Variants in MAGI1 observed in about 807,000 individuals in gnomAD.
MAGI1 encodes membrane-associated guanylate kinase, WW and PDZ domain-containing protein 1.
Under a neutral mutation model 139.9 loss-of-function variants are expected in MAGI1, and 58 were observed. The ratio of observed to expected loss-of-function variants is 0.41; its 90% CI spans 0.34 to 0.52. The LOEUF is 0.52. Ranked by LOEUF, MAGI1 falls within the 20% of genes least tolerant of loss-of-function variation. The probability of loss-of-function intolerance (pLI) is 0.12; values close to 1 mark genes in which losing one functional copy is unlikely to be tolerated. For synonymous variants in MAGI1, 812 were observed against 737.9 expected, an observed-to-expected ratio of 1.10 and a Z score of -1.63; for missense variants, 1,874 against 1,901.6, an observed-to-expected ratio of 0.99 and a Z score of 0.27.
chr3:65,507,062 G>A (rs1423262686), intron 2 of MAGI1, among the ~76,000 whole-genome samples: 5 of 152,090 alleles, frequency 3.3e-5, no homozygotes, highest in African/African-American at 1.2e-4. Flanking sequence ...ATACCACAGA[G>A]TGCAACATAT....
chr3:65,734,493 G>A (rs1005027071), intron 1 of MAGI1, among the ~76,000 whole-genome samples: 1 of 150,186 alleles, frequency 6.7e-6, no homozygotes, highest in South Asian at 2.1e-4. Context: ...GAAAGAAAGA[G>A]AGAAAGAGGA....
chr3:65,536,430 CA>C (rs761058305), intron 2 of MAGI1, among the ~76,000 whole-genome samples: 173 of 152,144 alleles, frequency 1.1e-3, no homozygotes, highest in Non-Finnish European at 2.2e-3. Context: ...GGTATTTGTA[CA>C]AAAAAGATAA....
chr3:65,413,211 C>G (rs963280900), intron 12 of MAGI1, among the ~76,000 whole-genome samples: 21 of 152,182 alleles, frequency 1.4e-4, no homozygotes, highest in Non-Finnish European at 5.9e-5. Flanking sequence ...AATTTTCCAG[C>G]TTGCTCTGGA....
intron 1 of MAGI1, among the ~76,000 whole-genome samples, chr3:65,934,828 C>T (rs538893125): frequency 6.7e-6 from 1 of 150,014 alleles, no homozygotes; most frequent in East Asian, 2.1e-4. Flanking sequence ...ACATTGAAAT[C>T]CTCTTGTGAG....
chr3:65,643,952 C>A (rs1486682197), intron 1 of MAGI1, among the ~76,000 whole-genome samples: 1 of 152,132 alleles, frequency 6.6e-6, no homozygotes, highest in South Asian at 2.1e-4. Context: ...TGGGTGGAAT[C>A]TCTTCTTCTC....
chr3:65,508,647 T>C (rs2077407824), intron 2 of MAGI1, among the ~76,000 whole-genome samples: 1 of 152,196 alleles, frequency 6.6e-6, no homozygotes, highest in Admixed American at 6.5e-5. Flanking sequence ...GCCTTTGTCA[T>C]CTATTCAAAC....
At chr3:65,525,134 C>T (rs907158990) in intron 2 of MAGI1, among the ~76,000 whole-genome samples, 1 of 152,154 alleles carries the variant, frequency 6.6e-6, no homozygotes, top group Non-Finnish European at 1.5e-5. Context: ...TCTCATCTCC[C>T]TATAATGCAC....
intron 1 of MAGI1, among the ~76,000 whole-genome samples, chr3:65,925,847 T>C (rs2062474619): frequency 6.6e-6 from 1 of 152,096 alleles, no homozygotes; most frequent in Non-Finnish European, 1.5e-5. Flanking sequence ...ACTCTGCCAA[T>C]TTTTGTATTT....
intron 2 of MAGI1, chr3:65,619,971 C>T (rs895648343): frequency 5.3e-5 from 52 of 985,264 alleles, no homozygotes; most frequent in Non-Finnish European, 6.1e-5. Context: ...CATGATTTTT[C>T]CACTGTTTTT....
chr3:65,666,545 G>C (rs2086538954), intron 1 of MAGI1, among the ~76,000 whole-genome samples: 1 of 152,126 alleles, frequency 6.6e-6, no homozygotes, highest in Non-Finnish European at 1.5e-5. Flanking sequence ...TATTAGCATA[G>C]TAAAAGCTCT....
chr3:65,501,624 A>T (rs1462489018), intron 2 of MAGI1, among the ~76,000 whole-genome samples: 1 of 152,210 alleles, frequency 6.6e-6, no homozygotes, highest in Non-Finnish European at 1.5e-5. Context: ...AAATGGTACA[A>T]CCATTTGGGG....
intron 1 of MAGI1, among the ~76,000 whole-genome samples, chr3:65,624,874 T>C (rs528728700): frequency 5.3e-5 from 8 of 152,228 alleles, no homozygotes; most frequent in Middle Eastern, 3.4e-3. Context: ...GATGCCAATA[T>C]AATATTTTCT....
At chr3:65,431,908 A>C (rs1947486814) in intron 10 of MAGI1, among the ~76,000 whole-genome samples, 1 of 152,058 alleles carries the variant, frequency 6.6e-6, no homozygotes, top group Non-Finnish European at 1.5e-5. Context: ...CAGGACAATC[A>C]CTTGAATCCA....
chr3:65,968,248 G>C (rs142530406), intron 1 of MAGI1, among the ~76,000 whole-genome samples: 7 of 152,298 alleles, frequency 4.6e-5, no homozygotes, highest in African/African-American at 1.7e-4. Flanking sequence ...TTTGAACCAG[G>C]AAAGTCCACT....
intron 1 of MAGI1, among the ~76,000 whole-genome samples, chr3:65,871,723 C>A (rs1328426942): frequency 1.3e-5 from 2 of 152,208 alleles, no homozygotes; most frequent in East Asian, 3.8e-4. Flanking sequence ...TTAGGTTTAC[C>A]TCTGTGCAAA....
chr3:65,985,512 T>C (rs772891172), intron 1 of MAGI1, among the ~76,000 whole-genome samples: 1 of 152,186 alleles, frequency 6.6e-6, no homozygotes, highest in Non-Finnish European at 1.5e-5. Context: ...GAAAATTCCT[T>C]TAGGTATCAT....
intron 18 of MAGI1, chr3:65,365,305 C>A: frequency 2.3e-6 from 1 of 432,914 alleles, no homozygotes; most frequent in Non-Finnish European, 4.5e-6. Flanking sequence ...GCAGAATTCT[C>A]TTCCAGAACT....
intron 1 of MAGI1, among the ~76,000 whole-genome samples, chr3:65,946,874 C>A (rs1020599755): frequency 6.6e-6 from 1 of 152,148 alleles, no homozygotes; most frequent in African/African-American, 2.4e-5. Flanking sequence ...GAATTTTATG[C>A]AGCTAATGAG....
chr3:65,598,263 C>A lies in MAGI1; in HGVS notation c.430+23709G>T, dbSNP rs544108291. On this transcript the variant is annotated intron_variant, in intron 2 of 22. Coordinates refer to ENST00000402939, the MANE Select transcript of MAGI1 (RefSeq NM_001033057.2). ...CTGAGCGAGCCTCTCCCTGCTGGGG[C>A]GTGTCAGGTCCCCATCACCCGCATG... 3.9e-5 allele frequency among the ~76,000 whole-genome samples: 6 copies of A among 152,250 alleles called. No individual in the cohort carries two copies. In the East Asian group the frequency reaches 9.7e-4, roughly 25 times the overall value.
Sources: allele counts gnomAD v4.1 joint callset (sites outside exome capture counted in the v4.1 genomes callset), GRCh38; gene constraint gnomAD v4.1.1; transcripts MANE v1.5; gene names NCBI Gene and HGNC (gene_info 2026-07-23, HGNC 2026-07-21).